PPP2R2C: variants seen among roughly 807,000 people sequenced by gnomAD.
The protein encoded by PPP2R2C is protein phosphatase 2 regulatory subunit Bgamma.
PPP2R2C carries 10 observed loss-of-function variants against 45.3 expected under a neutral mutation model. The ratio of observed to expected loss-of-function variants is 0.22; its 90% confidence interval spans 0.14 to 0.37. PPP2R2C has a LOEUF of 0.37. Ranked by LOEUF, PPP2R2C falls within the 10% of genes least tolerant of loss-of-function variation. PPP2R2C has a pLI of 1.00. For synonymous variants in PPP2R2C, 257 were observed against 245.4 expected (o/e 1.05, Z -0.44); for missense variants, 308 against 619.7 (o/e 0.50, Z 5.34).
intron 6 of PPP2R2C, 57 bp downstream of exon 6, chr4:6,347,789 T>TCCCCC: frequency 9.7e-7 from 1 of 1,033,616 alleles, no homozygotes; most frequent in Non-Finnish European, 1.4e-6. Flanking sequence ...GGACAGGACA[T>TCCCCC]CCCACCCGCC....
In PPP2R2C at chr4:6,384,078, C is replaced by T. The variant is rs1412865923; in HGVS notation, c.71-2984G>A. 4 of 985,594 alleles carry T rather than the reference C, an allele frequency of 4.1e-6. No individual in the cohort carries two copies. In the East Asian group the frequency reaches 4.5e-4, roughly 112 times the overall value. The allele number at this position is 985,594 out of a possible 1,614,324, so 61.1% of individuals were successfully genotyped here. ...TGGGAACACGGAAACGCCCACCGGG[C>T]ATGGAGTCAGAACAGGGTCAGGTCC... On this transcript the variant is annotated intron_variant, in intron 1 of 8. Transcript: ENST00000382599.
intron 1 of PPP2R2C, among the ~76,000 whole-genome samples, chr4:6,462,658 C>T (rs1275709265): frequency 2.0e-5 from 3 of 152,048 alleles, no homozygotes; most frequent in Non-Finnish European, 4.4e-5. Context: ...CAACTGGGGA[C>T]GTTCATAAAA....
intron 1 of PPP2R2C, among the ~76,000 whole-genome samples, chr4:6,391,493 C>T (rs952829404): frequency 3.3e-5 from 5 of 152,250 alleles, no homozygotes; most frequent in Admixed American, 6.5e-5. Context: ...AAAAGAAAAG[C>T]ACACCGTAAT....
At chr4:6,559,767 G>A (rs1023243914) in intron 1 of PPP2R2C, among the ~76,000 whole-genome samples, 1 of 152,188 alleles carries the variant, frequency 6.6e-6, no homozygotes, top group Non-Finnish European at 1.5e-5. Flanking sequence ...GAACCAGAAC[G>A]CAGGTCCTCA....
chr4:6,348,331 G>A (rs10213100), intron 5 of PPP2R2C, among the ~76,000 whole-genome samples: 35,006 of 151,244 alleles, frequency 0.23, 4,437 homozygotes, highest in East Asian at 0.28. Context: ...GCACTGACCT[G>A]TGGAGCCCCT....
In PPP2R2C at chr4:6,336,068, G is replaced by A. The variant is rs73075120; in HGVS notation, c.791-2337C>T. Among the ~76,000 whole-genome samples, 993 of 152,278 alleles carry A rather than the reference G, an allele frequency of 6.5e-3. 6 individuals are homozygous for A. The highest frequency in any genetic ancestry group is 0.023 in the African/African-American group (962 of 41,562). On this transcript the variant is annotated intron_variant, in intron 6 of 8. Transcript: ENST00000382599. ...CTTCCAGTCCTGGCGTCAAGATCAGGAAGGAGGGAGGGAGCCTAGTTTATC... is the reference window on the plus strand; with the variant it reads ...CTTCCAGTCCTGGCGTCAAGATCAGAAAGGAGGGAGGGAGCCTAGTTTATC...
At chr4:6,416,620 C>A (rs1247558983) in intron 1 of PPP2R2C, among the ~76,000 whole-genome samples, 1 of 152,220 alleles carries the variant, frequency 6.6e-6, no homozygotes, top group Non-Finnish European at 1.5e-5. Flanking sequence ...CTTGTCCCTG[C>A]TCCCCTCCCC....
chr4:6,517,065 T>C (rs1723848931), intron 2 of PPP2R2C, among the ~76,000 whole-genome samples: 1 of 152,186 alleles, frequency 6.6e-6, no homozygotes, highest in South Asian at 2.1e-4. Context: ...CAGGAATAAC[T>C]GTGAGTGGCT....
intron 1 of PPP2R2C, among the ~76,000 whole-genome samples, chr4:6,470,757 C>G (rs1721826551): frequency 1.3e-5 from 2 of 152,238 alleles, no homozygotes; most frequent in Non-Finnish European, 2.9e-5. Context: ...CTCCCCGGGC[C>G]TCCCAAAGCC....
chr4:6,406,987 G>A (rs376836865), intron 1 of PPP2R2C, among the ~76,000 whole-genome samples: 1 of 152,146 alleles, frequency 6.6e-6, no homozygotes, highest in African/African-American at 2.4e-5. Flanking sequence ...GAAAGAGGAG[G>A]AGGTGATGTA....
At chr4:6,528,373 G>A (rs1577240990) in intron 2 of PPP2R2C, among the ~76,000 whole-genome samples, 2 of 152,242 alleles carry the variant, frequency 1.3e-5, no homozygotes, top group East Asian at 3.9e-4. Flanking sequence ...AGGTGGGACA[G>A]CTGAAGGGTG....
intron 6 of PPP2R2C, among the ~76,000 whole-genome samples, chr4:6,344,782 C>A (rs1041578140): frequency 1.3e-5 from 2 of 152,156 alleles, no homozygotes; most frequent in African/African-American, 4.8e-5. Context: ...ATTTTGTTAT[C>A]CCCTAAATCT....
At chr4:6,406,773 A>G (rs113960471) in intron 1 of PPP2R2C, among the ~76,000 whole-genome samples, 4 of 152,312 alleles carry the variant, frequency 2.6e-5, no homozygotes, top group South Asian at 4.1e-4. Context: ...AAATAAATAC[A>G]TTAAATAAAA....
chr4:6,353,957 A>G (rs1712892070), intron 5 of PPP2R2C, among the ~76,000 whole-genome samples: 1 of 67,872 alleles, frequency 1.5e-5, no homozygotes, highest in South Asian at 6.3e-4. Context: ...CAGCCCCCAC[A>G]CCGCTCCTTC....
intron 2 of PPP2R2C, among the ~76,000 whole-genome samples, chr4:6,494,773 T>G (rs1381549165): frequency 6.6e-6 from 1 of 152,192 alleles, no homozygotes; most frequent in Non-Finnish European, 1.5e-5. Flanking sequence ...TGGCCCTTCC[T>G]GGAGTGTGGC....
rs115360584 is a variant in PPP2R2C at position 6,461,860 on chromosome 4, G to A, written c.70+10300C>T. Among the ~76,000 whole-genome samples the A allele has an allele frequency of 3.5e-3, 537 of 152,368 alleles. 1 individual carries two copies. Among genetic ancestry groups the A allele is most frequent in the Non-Finnish European group, 6.5e-3 (439 of 68,036 alleles). On this transcript the variant is annotated intron_variant, in intron 1 of 8. Transcript: ENST00000382599. ...AAAGTGAGCACTGTGTGGGCAGGCG[G>A]TGGCTACCCCAGTTCCTGCCACATC... is the stretch of plus-strand genomic sequence containing the variant.
At chr4:6,416,270 T>C (rs1199890413) in intron 1 of PPP2R2C, among the ~76,000 whole-genome samples, 1 of 130,132 alleles carries the variant, frequency 7.7e-6, no homozygotes, top group Non-Finnish European at 1.7e-5. Flanking sequence ...CCACGATGTG[T>C]GGTTTTCCCC....
intron 8 of PPP2R2C, among the ~76,000 whole-genome samples, chr4:6,323,838 GCC>G (rs1731727841): frequency 3.2e-5 from 1 of 31,496 alleles, no homozygotes; most frequent in East Asian, 0.015. Flanking sequence ...GATCACCTGA[GCC>G]TGGGGAGGCA....
intron 2 of PPP2R2C, among the ~76,000 whole-genome samples, chr4:6,521,880 C>T (rs1178506087): frequency 6.6e-6 from 1 of 152,190 alleles, no homozygotes; most frequent in East Asian, 1.9e-4. Context: ...CCGGGAAGCA[C>T]ACCAGGCCAT....
Sources: allele counts gnomAD v4.1 joint callset (sites outside exome capture counted in the v4.1 genomes callset), GRCh38; gene constraint gnomAD v4.1.1; transcripts MANE v1.5; gene names NCBI Gene and HGNC (gene_info 2026-07-23, HGNC 2026-07-21).